ZDHHC15: variants seen among roughly 807,000 people sequenced by gnomAD.
ZDHHC15 encodes zDHHC palmitoyltransferase 15, also known as palmitoyltransferase ZDHHC15.
Under a neutral mutation model 31.7 loss-of-function variants are expected in ZDHHC15, and 19 were observed. The ratio of observed to expected loss-of-function variants is 0.60; its 90% confidence interval spans 0.42 to 0.88. ZDHHC15 has a LOEUF of 0.88. Among genes scored for constraint, ZDHHC15 ranks in the 40% least tolerant of loss-of-function variants. The pLI, the probability that ZDHHC15 is intolerant of heterozygous loss-of-function variation, is 0.00. For missense variants in ZDHHC15, 209 were observed against 251.2 expected, an observed-to-expected ratio of 0.83 and a Z score of 1.14; for synonymous variants, 103 against 90.0, an observed-to-expected ratio of 1.14 and a Z score of -0.82.
intron 2 of ZDHHC15, among the ~76,000 whole-genome samples, chrX:75,480,206 C>A (rs1406904422): frequency 1.8e-5 from 2 of 111,033 alleles, no homozygotes; most frequent in South Asian, 3.8e-4. Flanking sequence ...CAGGACAAGA[C>A]CATTTATATG....
chrX:75,499,354 GA>G (rs1490828778), intron 2 of ZDHHC15, among the ~76,000 whole-genome samples: 1 of 111,433 alleles, frequency 9.0e-6, no homozygotes, highest in Non-Finnish European at 1.9e-5. Context: ...TACAGAATGG[GA>G]AAAAATATTC....
intron 8 of ZDHHC15, among the ~76,000 whole-genome samples, chrX:75,423,310 C>T (rs1330217952): frequency 2.8e-5 from 3 of 107,682 alleles, no homozygotes; most frequent in Admixed American, 1.0e-4. Flanking sequence ...GCATAGTACC[C>T]GAGTGAATTT....
At chrX:75,425,711 T>G (rs1260883434) in intron 7 of ZDHHC15, among the ~76,000 whole-genome samples, 1 of 112,063 alleles carries the variant, frequency 8.9e-6, no homozygotes, top group African/African-American at 3.2e-5. Flanking sequence ...GTAATAAAGT[T>G]AAATGTGATT....
In ZDHHC15 at chrX:75,423,603, A is replaced by G. The variant is rs554941342; in HGVS notation, c.736+1049T>C. Among the ~76,000 whole-genome samples, 5 of 98,890 alleles carry G rather than the reference A, an allele frequency of 5.1e-5. No individual in the cohort carries two copies. The South Asian group carries it at 1.5e-3, about 31-fold the overall frequency. 85.9% of individuals were successfully genotyped at this position (98,890 alleles called of 115,157 possible). On this transcript the variant is annotated intron_variant, in intron 8 of 11. Coordinates refer to ENST00000373367, the MANE Select transcript of ZDHHC15 (RefSeq NM_144969.3). ...TCTTTATCTAGTTTGCCATTGATGG[A>G]CCTTTAGGTTGATTCCACGGCTTTG...
intron 3 of ZDHHC15, among the ~76,000 whole-genome samples, chrX:75,467,838 C>T (rs976961733): frequency 9.0e-6 from 1 of 111,172 alleles, no homozygotes; most frequent in East Asian, 2.8e-4. Flanking sequence ...CAACCATTAC[C>T]GCTATCTAGT....
intron 3 of ZDHHC15, among the ~76,000 whole-genome samples, chrX:75,460,719 T>C (rs2084299944): frequency 1.8e-5 from 2 of 109,764 alleles, no homozygotes; most frequent in Non-Finnish European, 3.8e-5. Flanking sequence ...GACCTGACTG[T>C]TAAAAGAAAA....
At chrX:75,495,844 A>C (rs1443609335) in intron 2 of ZDHHC15, among the ~76,000 whole-genome samples, 1 of 107,064 alleles carries the variant, frequency 9.3e-6, no homozygotes, top group Non-Finnish European at 1.9e-5. Flanking sequence ...TAATGATTTA[A>C]TGGGTGCAGC....
chrX:75,379,549 G>A (rs2083093733), intron 10 of ZDHHC15, among the ~76,000 whole-genome samples: 1 of 111,781 alleles, frequency 8.9e-6, no homozygotes, highest in South Asian at 3.7e-4. Context: ...TATTCCACCG[G>A]ACATAATTGA....
rs147136925 is a variant in ZDHHC15 at position 75,453,010 on chromosome X, G to A, written c.259-2088C>T. Among the ~76,000 whole-genome samples, 442 of 111,064 alleles carry A rather than the reference G, an allele frequency of 4.0e-3. 1 individual carries two copies. Among genetic ancestry groups the A allele is most frequent in the African/African-American group, 0.013 (394 of 30,636 alleles). ...AGAGCAAACAAATTCAAAAGCTAGC[G>A]GAAGTCAAGAAATAACTAAGATCAG... On this transcript the variant is annotated intron_variant, in intron 3 of 11. Transcript: ENST00000373367.
chrX:75,369,661 A>C lies in ZDHHC15; in HGVS notation c.*3317T>G, dbSNP rs2082988623. Reference sequence around the variant, plus strand: ...CACTGGTTGATGCCACATAGTGTGAAAAATATGTGTCACATGGGGCTAGTA... The same window carrying C: ...CACTGGTTGATGCCACATAGTGTGACAAATATGTGTCACATGGGGCTAGTA... On this transcript the variant is annotated 3_prime_UTR_variant, in exon 12 of 12. Transcript: ENST00000373367. 9.0e-6 allele frequency: 1 copy of C among 111,722 alleles called. No individual in the cohort carries two copies. Among genetic ancestry groups the C allele is most frequent in the Admixed American group, 9.5e-5 (1 of 10,533 alleles). 9.2% of individuals were successfully genotyped at this position (111,722 alleles called of 1,213,427 possible).
chrX:75,458,167 T>G (rs2084254288), intron 3 of ZDHHC15, among the ~76,000 whole-genome samples: 1 of 112,014 alleles, frequency 8.9e-6, no homozygotes, highest in Non-Finnish European at 1.9e-5. Context: ...GAAAAATGCA[T>G]CAACATGGAT....
Position 75,421,884 on chromosome X carries a change from C to G in ZDHHC15, c.843G>C (p.Trp281Cys), listed in dbSNP as rs2147846787. 1 of 1,207,825 alleles carries G rather than the reference C, an allele frequency of 8.3e-7. No individual in the cohort carries two copies. The highest frequency in any genetic ancestry group is 1.8e-5 in the South Asian group (1 of 56,636). ...QQVFGDKKKF[W>C]LIPIGSSPGD... is the part of the protein sequence containing the mutation. Reference sequence around the variant, plus strand: ...CTCACCTGGAACCAATAGGTATTAACCAGAACTTCTTCTTATCTCCAAACA... The same window carrying G: ...CTCACCTGGAACCAATAGGTATTAAGCAGAACTTCTTCTTATCTCCAAACA... The change falls in exon 9 of 12, where the codon TGG becomes TGC. Residue 281 changes from tryptophan to cysteine, a missense_variant. By Grantham distance (215) the Trp-to-Cys change is radical (BLOSUM62 -2). Coordinates refer to ENST00000373367, the MANE Select transcript of ZDHHC15 (RefSeq NM_144969.3).
chrX:75,400,394 T>C (rs1262302058), intron 10 of ZDHHC15, among the ~76,000 whole-genome samples: 3 of 111,333 alleles, frequency 2.7e-5, no homozygotes, highest in Non-Finnish European at 5.7e-5. Flanking sequence ...ACTTGAAGAC[T>C]GGTTCTCTGA....
intron 1 of ZDHHC15, among the ~76,000 whole-genome samples, chrX:75,507,397 A>G (rs1318340992): frequency 9.0e-6 from 1 of 110,572 alleles, no homozygotes; most frequent in African/African-American, 3.3e-5. Flanking sequence ...GAAATTACAT[A>G]CTTTTGAGGA....
At chrX:75,517,140 G>C (rs1291912815) in intron 1 of ZDHHC15, among the ~76,000 whole-genome samples, 2 of 111,905 alleles carry the variant, frequency 1.8e-5, no homozygotes, top group Non-Finnish European at 3.8e-5. Context: ...CTGTTGGTGG[G>C]AGTGTAAACT....
At chrX:75,398,893 C>T (rs927620704) in intron 10 of ZDHHC15, among the ~76,000 whole-genome samples, 14 of 109,985 alleles carry the variant, frequency 1.3e-4, no homozygotes, top group African/African-American at 4.3e-4. Flanking sequence ...AAGCAGTTCC[C>T]AATCCTGTTC....
chrX:75,412,487 A>T (rs1276047192), intron 10 of ZDHHC15, among the ~76,000 whole-genome samples: 2 of 109,847 alleles, frequency 1.8e-5, no homozygotes, highest in Non-Finnish European at 3.8e-5. Flanking sequence ...GCTGAAGTGC[A>T]GTGGCGAGAT....
intron 4 of ZDHHC15, among the ~76,000 whole-genome samples, chrX:75,433,901 C>T (rs2083816626): frequency 9.0e-6 from 1 of 110,888 alleles, no homozygotes; most frequent in East Asian, 2.8e-4. Flanking sequence ...TACGTTAGTT[C>T]TTTAAGGAAT....
intron 2 of ZDHHC15, among the ~76,000 whole-genome samples, chrX:75,499,480 A>T (rs1360388026): frequency 8.9e-6 from 1 of 111,963 alleles, no homozygotes; most frequent in Non-Finnish European, 1.9e-5. Context: ...ATGAATAGAC[A>T]ATTCTAAAAA....
Sources: gnomAD v4.1 joint callset for allele counts (sites outside exome capture counted in the v4.1 genomes callset) on GRCh38, gnomAD v4.1.1 for gene constraint, MANE v1.5 for transcripts, NCBI Gene and HGNC (gene_info 2026-07-23, HGNC 2026-07-21) for gene names.